The following ZSWIM6 variants were observed in gnomAD, a reference collection of about 807,000 sequenced individuals.
ZSWIM6 encodes zinc finger SWIM domain-containing protein 6.
Under a neutral mutation model 113.2 loss-of-function variants are expected in ZSWIM6, and 9 were observed. That is an observed-to-expected ratio of 0.08 (90% confidence interval 0.05 to 0.14). The LOEUF is 0.14. ZSWIM6 is among the 10% of genes least tolerant of loss of function. The pLI, the probability that ZSWIM6 is intolerant of heterozygous loss-of-function variation, is 1.00. For synonymous variants in ZSWIM6, 611 were observed against 606.5 expected (o/e 1.01, Z -0.11); for missense variants, 1,162 against 1,552.2 (o/e 0.75, Z 4.22).
intron 1 of ZSWIM6, among the ~76,000 whole-genome samples, chr5:61,394,015 G>C (rs946500634): frequency 6.6e-6 from 1 of 152,116 alleles, no homozygotes; most frequent in Non-Finnish European, 1.5e-5. Flanking sequence ...GAACATTGTT[G>C]GCTGGTTGAA....
intron 1 of ZSWIM6, among the ~76,000 whole-genome samples, chr5:61,439,942 G>A (rs1746790568): frequency 6.6e-6 from 1 of 152,106 alleles, no homozygotes; most frequent in South Asian, 2.1e-4. Flanking sequence ...TGTAGTTCAA[G>A]TGCCCTTTCT....
Position 61,521,367 on chromosome 5 carries a change from T to C in ZSWIM6, c.1438T>C (p.Trp480Arg), listed in dbSNP as rs1326690623. 1 of 1,531,102 alleles carries C rather than the reference T, an allele frequency of 6.5e-7. No individual in the cohort carries two copies. Among genetic ancestry groups the C allele is most frequent in the Non-Finnish European group, 8.8e-7 (1 of 1,137,636 alleles). The allele number at this position is 1,531,102 out of a possible 1,614,324, so 94.8% of individuals were successfully genotyped here. ...ATGGAATAGTGTTGATGTCTGTCCA[T>C]GGGAAGATGGAAATCATGGCAGTGA... The part of the protein sequence containing the change: ...KKWNSVDVCP[W>R]EDGNHGSELP... The change falls in exon 5 of 14, where the codon TGG becomes CGG. Residue 480 changes from tryptophan to arginine, a missense_variant. Around this residue, in one of 4 missense-constraint regions of ZSWIM6, gnomAD observed 620 missense variants for 804.6 expected, o/e 0.77. Coordinates refer to ENST00000252744, the MANE Select transcript of ZSWIM6 (RefSeq NM_020928.2).
intron 1 of ZSWIM6, among the ~76,000 whole-genome samples, chr5:61,341,994 C>T (rs911120438): frequency 5.3e-5 from 8 of 151,280 alleles, no homozygotes; most frequent in African/African-American, 1.9e-4. Context: ...ATTCTCTTGC[C>T]TCAGCCTCCT....
intron 1 of ZSWIM6, among the ~76,000 whole-genome samples, chr5:61,464,575 C>T (rs1053953520): frequency 2.6e-5 from 4 of 152,006 alleles, no homozygotes; most frequent in African/African-American, 4.8e-5. Context: ...GAATGGTTAG[C>T]GCCAAAATGT....
chr5:61,401,770 A>C (rs1473191732), intron 1 of ZSWIM6, among the ~76,000 whole-genome samples: 1 of 152,162 alleles, frequency 6.6e-6, no homozygotes, highest in African/African-American at 2.4e-5. Context: ...AGTTGCATCA[A>C]CCTATATGAC....
At chr5:61,529,699 C>T (rs1749379547) in intron 7 of ZSWIM6, among the ~76,000 whole-genome samples, 1 of 152,174 alleles carries the variant, frequency 6.6e-6, no homozygotes, top group South Asian at 2.1e-4. Context: ...CCTAATTTCT[C>T]AAAAGAAAAT....
intron 1 of ZSWIM6, chr5:61,375,894 A>G (rs1397079892): frequency 1.2e-6 from 1 of 868,962 alleles, no homozygotes; most frequent in Non-Finnish European, 1.8e-6. Context: ...AAGAAAGTGC[A>G]ATGTCTGAGG....
chr5:61,410,064 T>A (rs17422055), intron 1 of ZSWIM6, among the ~76,000 whole-genome samples: 23,241 of 152,126 alleles, frequency 0.15, 1,870 homozygotes, highest in Non-Finnish European at 0.17. Flanking sequence ...TTCCGTATGA[T>A]CTTCATGGTT....
At chr5:61,426,641 C>T (rs369821351) in intron 1 of ZSWIM6, among the ~76,000 whole-genome samples, 22 of 151,890 alleles carry the variant, frequency 1.4e-4, no homozygotes, top group South Asian at 2.1e-4. Context: ...AGGATCCATT[C>T]TAGATCCAGT....
At chr5:61,332,981 C>G in intron 1 of ZSWIM6, 33 bp downstream of exon 1, 4 of 1,168,100 alleles carry the variant, frequency 3.4e-6, no homozygotes, top group East Asian at 4.0e-5. Context: ...GCCGTCTGTC[C>G]GTCCGTCAGT....
rs75079872 is a variant in ZSWIM6, at chr5:61,354,085, T to C, written c.676+21137T>C. Among the ~76,000 whole-genome samples the C allele has an allele frequency of 4.1e-3, 618 of 152,372 alleles. 3 individuals are homozygous for C. The highest frequency in any genetic ancestry group is 0.017 in the Middle Eastern group (5 of 294). ...TCTGTTTGCTGATGAGGAAAGGTTA[T>C]CTTTCCAGGCAGCATCCAGGAATGG... is the stretch of plus-strand genomic sequence containing the variant. On this transcript the variant is annotated intron_variant, in intron 1 of 13. Coordinates refer to ENST00000252744, the MANE Select transcript of ZSWIM6 (RefSeq NM_020928.2).
intron 1 of ZSWIM6, among the ~76,000 whole-genome samples, chr5:61,364,414 T>C (rs1164120752): frequency 6.6e-6 from 1 of 152,236 alleles, no homozygotes; most frequent in Non-Finnish European, 1.5e-5. Flanking sequence ...ACTAAGAATG[T>C]TTTTTATTTT....
intron 9 of ZSWIM6, among the ~76,000 whole-genome samples, chr5:61,533,150 T>C (rs1040277764): frequency 2.0e-5 from 3 of 152,224 alleles, no homozygotes; most frequent in Non-Finnish European, 4.4e-5. Flanking sequence ...AGAAGGAGCA[T>C]TGTTGACTCA....
chr5:61,510,622 G>A (rs955798173), intron 4 of ZSWIM6, among the ~76,000 whole-genome samples: 8 of 152,016 alleles, frequency 5.3e-5, no homozygotes, highest in African/African-American at 1.7e-4. Context: ...TTAGAAAGGA[G>A]AGTAGAAACA....
intron 1 of ZSWIM6, among the ~76,000 whole-genome samples, chr5:61,377,403 A>G (rs1481751796): frequency 6.6e-6 from 1 of 152,172 alleles, no homozygotes; most frequent in African/African-American, 2.4e-5. Flanking sequence ...AACAATAAAA[A>G]AAACAAGATT....
chr5:61,474,733 C>G (rs757250818), intron 2 of ZSWIM6, among the ~76,000 whole-genome samples: 20 of 152,200 alleles, frequency 1.3e-4, no homozygotes, highest in Non-Finnish European at 2.2e-4. Context: ...ATTTATTTGT[C>G]CTTGTTCATT....
At chr5:61,488,954 A>G (rs542084543) in intron 2 of ZSWIM6, among the ~76,000 whole-genome samples, 1 of 152,138 alleles carries the variant, frequency 6.6e-6, no homozygotes, top group Admixed American at 6.6e-5. Flanking sequence ...TCCACTTTGG[A>G]TAAGTTGTCA....
At chr5:61,461,040 T>A (rs1469047414) in intron 1 of ZSWIM6, among the ~76,000 whole-genome samples, 1 of 152,200 alleles carries the variant, frequency 6.6e-6, no homozygotes, top group Non-Finnish European at 1.5e-5. Context: ...GTAAAAATTA[T>A]GTTGGTAAAA....
chr5:61,494,512 G>A (rs942780385), intron 4 of ZSWIM6, 102 bp downstream of exon 4: 8 of 1,408,990 alleles, frequency 5.7e-6, no homozygotes, highest in East Asian at 2.5e-5. Context: ...AGAGAGAGCT[G>A]CTCATGCATG....
Sources: allele counts gnomAD v4.1 joint callset (sites outside exome capture counted in the v4.1 genomes callset), GRCh38; gene constraint gnomAD v4.1.1; regional missense constraint gnomAD v4.1.1; transcripts MANE v1.5; gene names NCBI Gene and HGNC (gene_info 2026-07-23, HGNC 2026-07-21).